The following CORO2B variants were observed in gnomAD, a reference collection of about 807,000 sequenced individuals.
CORO2B encodes coronin-2B.
A neutral mutation model predicts 58.8 loss-of-function variants in CORO2B; 26 were observed. That is an observed-to-expected ratio of 0.44 (90% CI 0.32 to 0.61). The LOEUF is 0.61. Ranked by LOEUF, CORO2B falls within the 20% of genes least tolerant of loss-of-function variation. The pLI is 0.04. For missense variants in CORO2B, 460 were observed against 645.1 expected, an observed-to-expected ratio of 0.71 and a Z score of 3.11; for synonymous variants, 242 against 253.8, an observed-to-expected ratio of 0.95 and a Z score of 0.44.
intron 8 of CORO2B, among the ~76,000 whole-genome samples, chr15:68,718,447 A>G (rs1387884107): frequency 1.3e-5 from 2 of 152,060 alleles, no homozygotes; most frequent in Non-Finnish European, 1.5e-5. Flanking sequence ...GTTTCTTCCA[A>G]TTCTAAAGGG....
At chr15:68,581,295 G>A (rs1027497256) in intron 1 of CORO2B, among the ~76,000 whole-genome samples, 4 of 152,116 alleles carry the variant, frequency 2.6e-5, no homozygotes, top group African/African-American at 7.2e-5. Context: ...CAAGCTCAGG[G>A]GATTAAATAA....
At chr15:68,669,247 C>T (rs1289311147) in intron 2 of CORO2B, among the ~76,000 whole-genome samples, 1 of 152,232 alleles carries the variant, frequency 6.6e-6, no homozygotes, top group Non-Finnish European at 1.5e-5. Flanking sequence ...GCAGGGAGCC[C>T]TGTTCACGCC....
intron 2 of CORO2B, among the ~76,000 whole-genome samples, chr15:68,690,283 C>G (rs1466818938): frequency 6.6e-6 from 1 of 152,214 alleles, no homozygotes; most frequent in Non-Finnish European, 1.5e-5. Flanking sequence ...CTACAGCCCA[C>G]CACTGCCTAG....
the CORO2B span, among the ~76,000 whole-genome samples, chr15:68,537,720 C>T: frequency 1.3e-5 from 2 of 152,120 alleles, no homozygotes; most frequent in African/African-American, 2.4e-5. Context: ...GTTCAGCTCC[C>T]GCTTATAAGT....
At chr15:68,577,315 T>G (rs1395723167), upstream of CORO2B, among the ~76,000 whole-genome samples, 1 of 152,210 alleles carries the variant, frequency 6.6e-6, no homozygotes, top group Non-Finnish European at 1.5e-5. Flanking sequence ...GCTCTGTCAC[T>G]GTGTGCTCTT....
intron 1 of CORO2B, among the ~76,000 whole-genome samples, chr15:68,619,642 G>A (rs1244745868): frequency 1.3e-5 from 2 of 152,102 alleles, no homozygotes; most frequent in Non-Finnish European, 2.9e-5. Context: ...ATGGTTGGGT[G>A]TAATTGTAAA....
intron 3 of CORO2B, among the ~76,000 whole-genome samples, chr15:68,700,430 G>T (rs2140317410): frequency 6.8e-6 from 1 of 146,566 alleles, no homozygotes; most frequent in Non-Finnish European, 1.5e-5. Context: ...GATTTCCCCA[G>T]CTCCTTCCCC....
chr15:68,544,406 C>A, the CORO2B span, among the ~76,000 whole-genome samples: 1 of 152,188 alleles, frequency 6.6e-6, no homozygotes, highest in Admixed American at 6.5e-5. Context: ...GTCTGAGCGA[C>A]TCACTAAGAT....
chr15:68,584,169 G>A (rs1405954801), intron 1 of CORO2B, among the ~76,000 whole-genome samples: 2 of 152,366 alleles, frequency 1.3e-5, no homozygotes, highest in South Asian at 2.1e-4. Flanking sequence ...CAGTGGGCAT[G>A]AGCCAGGAGA....
At chr15:68,614,520 A>T (rs1258090403) in intron 1 of CORO2B, among the ~76,000 whole-genome samples, 3 of 152,216 alleles carry the variant, frequency 2.0e-5, no homozygotes, top group African/African-American at 7.2e-5. Context: ...CTGCCAAGTC[A>T]GTAACTTGCT....
Position 68,719,517 on chromosome 15 carries a change from T to G in CORO2B, c.1276T>G (p.Leu426Val), listed in dbSNP as rs1362399324. The G allele has an allele frequency of 1.2e-6, 2 of 1,614,112 alleles. No homozygotes were observed. Among genetic ancestry groups the G allele is most frequent in the Admixed American group, 3.3e-5 (2 of 60,008 alleles). The change falls in exon 11 of 12, where the codon TTA becomes GTA. Residue 426 changes from leucine to valine, a missense_variant. Leu to Val is a conservative substitution (Grantham distance 32). This residue lies in a region of CORO2B where 108 missense variants were observed against 102.1 expected (regional missense o/e 1.06). Coordinates refer to ENST00000261861, the MANE Select transcript of CORO2B (RefSeq NM_006091.5). ...GAGTGTTGTGGTCAACGGAATAGAT[T>G]TATTAGAAAATGTCCCACCCAGGAC... ...KKSVVVNGID[L>V]LENVPPRTEN...
chr15:68,546,739 T>C, the CORO2B span, among the ~76,000 whole-genome samples: 1 of 152,244 alleles, frequency 6.6e-6, no homozygotes, highest in Admixed American at 6.5e-5. Context: ...TCCTGCCTTC[T>C]ACCTGCCCCC....
At chr15:68,702,495 G>A (rs1367201735) in intron 3 of CORO2B, among the ~76,000 whole-genome samples, 1 of 152,134 alleles carries the variant, frequency 6.6e-6, no homozygotes, top group Admixed American at 6.5e-5. Flanking sequence ...AGTGAGTCCA[G>A]TGCTCAGAAG....
chr15:68,714,526 G>C (rs1474404478), intron 6 of CORO2B, 33 bp from the exon 7 acceptor site: 1 of 1,561,794 alleles, frequency 6.4e-7, no homozygotes, highest in South Asian at 1.1e-5. Flanking sequence ...CATCCTGCCT[G>C]CAGAGAGGCT....
intron 1 of CORO2B, among the ~76,000 whole-genome samples, chr15:68,620,824 C>T (rs1900495185): frequency 6.6e-6 from 1 of 152,188 alleles, no homozygotes; most frequent in South Asian, 2.1e-4. Flanking sequence ...TCTAGGCCTT[C>T]CCACTGTGCG....
At chr15:68,689,044 C>T (rs1892292391) in intron 2 of CORO2B, among the ~76,000 whole-genome samples, 2 of 152,004 alleles carry the variant, frequency 1.3e-5, no homozygotes, top group Admixed American at 1.3e-4. Flanking sequence ...ATCCCCAGCC[C>T]CGAGCTCTTC....
At chr15:68,640,354 C>A (rs1445135636) in intron 1 of CORO2B, among the ~76,000 whole-genome samples, 3 of 152,138 alleles carry the variant, frequency 2.0e-5, no homozygotes, top group Non-Finnish European at 4.4e-5. Flanking sequence ...GACATAGTAA[C>A]CTGAATCAAA....
At chr15:68,554,564 C>T in the CORO2B span, among the ~76,000 whole-genome samples, 3 of 152,200 alleles carry the variant, frequency 2.0e-5, no homozygotes, top group Non-Finnish European at 1.5e-5. Flanking sequence ...TGCTGAACCT[C>T]GGTCTCCTCA....
chr15:68,584,933 C>A (rs557616378), intron 1 of CORO2B, among the ~76,000 whole-genome samples: 1 of 118,752 alleles, frequency 8.4e-6, no homozygotes, highest in African/African-American at 3.3e-5. Context: ...GCCTGGAGTG[C>A]GGGACCAGCT....
Sources: gnomAD v4.1 joint callset for allele counts (sites outside exome capture counted in the v4.1 genomes callset) on GRCh38, gnomAD v4.1.1 for gene constraint, gnomAD v4.1.1 regional missense constraint, MANE v1.5 for transcripts, NCBI Gene and HGNC (gene_info 2026-07-23, HGNC 2026-07-21) for gene names.